Variants in CAV2 observed in about 807,000 individuals in gnomAD.
CAV2 encodes the protein caveolin-2.
In CAV2, 7 loss-of-function variants were observed where a neutral mutation model predicts 15.5. That is an observed-to-expected ratio of 0.45 (90% CI 0.26 to 0.85). CAV2 has a LOEUF of 0.85. Ranked by LOEUF, CAV2 falls within the 40% of genes least tolerant of loss-of-function variation. The pLI, the probability that CAV2 is intolerant of heterozygous loss-of-function variation, is 0.18. For missense variants in CAV2, 229 were observed against 208.8 expected (o/e 1.10, Z -0.60); for synonymous variants, 76 against 83.1 (o/e 0.91, Z 0.46).
Position 116,506,250 on chromosome 7 carries a change from A to G in CAV2, c.*129A>G. 2 of 840,036 alleles carry G rather than the reference A, an allele frequency of 2.4e-6. No homozygotes were observed. The highest frequency in any genetic ancestry group is 3.7e-6 in the Non-Finnish European group (2 of 546,164). The allele number at this position is 840,036 out of a possible 1,614,324, so 52.0% of individuals were successfully genotyped here. A position where few individuals can be genotyped will look rare whatever the true frequency, so the allele number is the denominator to read the frequency against. The stretch of plus-strand genomic sequence containing the variant: ...GAAAACTATTAAGATGAGCAACCAC[A>G]TTTAGAAATGTTTATTGACAGGTCT... On this transcript the variant is annotated 3_prime_UTR_variant, in exon 3 of 3. Coordinates refer to ENST00000222693, the MANE Select transcript of CAV2 (RefSeq NM_001233.5).
In CAV2 at chr7:116,500,301, C is replaced by T. The variant is rs1399698949; in HGVS notation, c.192C>T (p.His64=). 2.5e-6 allele frequency: 4 copies of T among 1,614,242 alleles called. No individual in the cohort carries two copies. The highest frequency in any genetic ancestry group is 3.3e-4 in the Middle Eastern group (2 of 6,062). Residue 64 remains histidine (H), a synonymous_variant, in exon 2 of 3, where the codon CAC becomes CAT. Transcript: ENST00000222693. The stretch of plus-strand genomic sequence containing the variant: ...TGATCGCAGAGCCGGTGACTACGCA[C>T]TCCTTTGACAAAGTGTGGATCTGCA... The part of the protein sequence containing the change: ...EDVIAEPVTT[H]SFDKVWICSH...
At chr7:116,505,626 G>A (rs1358781012) in intron 2 of CAV2, among the ~76,000 whole-genome samples, 1 of 152,068 alleles carries the variant, frequency 6.6e-6, no homozygotes, top group Non-Finnish European at 1.5e-5. Context: ...GAATGTGGAG[G>A]TCCCAGACTC....
At position 116,506,033 on chromosome 7, in the gene CAV2, A is replaced by G. The variant is rs1300623610; in HGVS notation, c.401A>G (p.Lys134Arg). ...CTGCCTTCAGTGCAGACAATATGGA[A>G]GAGTGTGACAGATGTTATCATTGCT... is the stretch of plus-strand genomic sequence containing the variant. ...MVLPSVQTIW[K>R]SVTDVIIAPL... Residue 134 changes from lysine to arginine, a missense_variant, in exon 3 of 3, where the codon AAG becomes AGG. Physicochemically the swap from Lys to Arg is conservative, Grantham distance 26. Coordinates refer to ENST00000222693, the MANE Select transcript of CAV2 (RefSeq NM_001233.5). 1 of 1,613,788 alleles carries G rather than the reference A, an allele frequency of 6.2e-7. No individual in the cohort carries two copies. The highest frequency in any genetic ancestry group is 1.7e-5 in the Admixed American group (1 of 60,022).
At position 116,506,994 on chromosome 7, in the gene CAV2, T is replaced by C. The variant is rs1436353000; in HGVS notation, c.*873T>C. ...AATCTAAAATGTTTTATGACATTTT[T>C]CTGGCTGTGATCTTAAAATAATTCA... On this transcript the variant is annotated 3_prime_UTR_variant, in exon 3 of 3. Coordinates refer to ENST00000222693, the MANE Select transcript of CAV2 (RefSeq NM_001233.5). 6.6e-6 allele frequency: 1 copy of C among 152,534 alleles called. No individual in the cohort carries two copies. Among genetic ancestry groups the C allele is most frequent in the Non-Finnish European group, 1.5e-5 (1 of 68,038 alleles). The allele number at this position is 152,534 out of a possible 1,614,324, so 9.4% of individuals were successfully genotyped here. A position where few individuals can be genotyped will look rare whatever the true frequency, so the allele number is the denominator to read the frequency against.
At chr7:116,501,366 G>C (rs1049463684) in intron 2 of CAV2, 1 of 152,216 alleles carries the variant, frequency 6.6e-6, no homozygotes, top group Non-Finnish European at 1.5e-5. Context: ...CTTCAGGTTA[G>C]TCCTGGTGAA....
In CAV2 at chr7:116,508,154, C is replaced by G. The variant is rs1227474171; in HGVS notation, c.*2033C>G. On this transcript the variant is annotated 3_prime_UTR_variant, in exon 3 of 3. Transcript: ENST00000222693. ...CAGCCTCATGACTTTATAGTTATGTCTTGTATTTAAAAACATTTTTTATAC... is the reference window on the plus strand; with the variant it reads ...CAGCCTCATGACTTTATAGTTATGTGTTGTATTTAAAAACATTTTTTATAC... 1 of 152,110 alleles carries G rather than the reference C, an allele frequency of 6.6e-6. No homozygotes were observed. The highest frequency in any genetic ancestry group is 6.6e-5 in the Admixed American group (1 of 15,266). 9.4% of individuals were successfully genotyped at this position (152,110 alleles called of 1,614,324 possible). A position where few individuals can be genotyped will look rare whatever the true frequency, so the allele number is the denominator to read the frequency against.
In CAV2 at chr7:116,499,852, G is replaced by T; in HGVS notation, c.71G>T (p.Gly24Val). Residue 24 changes from glycine to valine, a missense_variant, in exon 1 of 3, where the codon GGC becomes GTC. Transcript: ENST00000222693. Reference sequence around the variant, plus strand: ...GACGACTCCTACAGCCACCACAGCGGCCTCGAGTACGCCGACCCCGAGAAG... The same window carrying T: ...GACGACTCCTACAGCCACCACAGCGTCCTCGAGTACGCCGACCCCGAGAAG... ...MDDDSYSHHS[G>V]LEYADPEKFA... 2 of 1,607,962 alleles carry T rather than the reference G, an allele frequency of 1.2e-6. No homozygotes were observed. Among genetic ancestry groups the T allele is most frequent in the Non-Finnish European group, 8.5e-7 (1 of 1,178,174 alleles).
chr7:116,501,368 C>T (rs118161063), intron 2 of CAV2: 1 of 152,196 alleles, frequency 6.6e-6, no homozygotes, highest in Non-Finnish European at 1.5e-5. Context: ...TCAGGTTAGT[C>T]CTGGTGAAAG....
At chr7:116,500,608 G>A in intron 2 of CAV2, 161 bp downstream of exon 2, 1 of 631,350 alleles carries the variant, frequency 1.6e-6, no homozygotes, top group South Asian at 2.0e-5. Flanking sequence ...AAGGCAATGC[G>A]CTTCCTTTAG....
intron 2 of CAV2, among the ~76,000 whole-genome samples, chr7:116,504,768 T>G (rs1793191766): frequency 1.3e-5 from 2 of 152,150 alleles, no homozygotes; most frequent in Admixed American, 6.5e-5. Flanking sequence ...AAATTAACCA[T>G]CCTGAGGACT....
At chr7:116,504,001 AAAG>A (rs1444860927) in intron 2 of CAV2, among the ~76,000 whole-genome samples, 1 of 145,662 alleles carries the variant, frequency 6.9e-6, no homozygotes, top group Admixed American at 7.1e-5. Flanking sequence ...AAGAAAGAAA[AAAG>A]AAAAGAAAGG....
intron 2 of CAV2, among the ~76,000 whole-genome samples, chr7:116,504,188 A>C (rs987644464): frequency 6.6e-6 from 1 of 151,008 alleles, no homozygotes; most frequent in Admixed American, 6.6e-5. Flanking sequence ...TCTGCCTTCA[A>C]AATAGGTCTA....
intron 2 of CAV2, chr7:116,501,254 TA>T (rs1255050090): frequency 7.9e-5 from 12 of 152,260 alleles, no homozygotes; most frequent in Admixed American, 7.2e-4. Context: ...GAAAATGTCA[TA>T]TTTTACCAAT....
In CAV2 at chr7:116,506,061, A is replaced by G. The variant is rs1311581907; in HGVS notation, c.429A>G (p.Pro143=). The change falls in exon 3 of 3, where the codon CCA becomes CCG. Residue 143 remains proline, a synonymous_variant. Coordinates refer to ENST00000222693, the MANE Select transcript of CAV2 (RefSeq NM_001233.5). ...GTGTGACAGATGTTATCATTGCTCCATTGTGTACGAGCGTAGGACGATGCT... is the reference window on the plus strand; with the variant it reads ...GTGTGACAGATGTTATCATTGCTCCGTTGTGTACGAGCGTAGGACGATGCT... ...WKSVTDVIIA[P]LCTSVGRCFS... 1 of 1,613,738 alleles carries G rather than the reference A, an allele frequency of 6.2e-7. No individual in the cohort carries two copies. Among genetic ancestry groups the G allele is most frequent in the African/African-American group, 1.3e-5 (1 of 74,986 alleles).
intron 2 of CAV2, among the ~76,000 whole-genome samples, chr7:116,503,754 C>G (rs558636749): frequency 6.6e-6 from 1 of 151,346 alleles, no homozygotes; most frequent in Non-Finnish European, 1.5e-5. Context: ...CACTCGAACC[C>G]GGGAGGCGAA....
intron 2 of CAV2, among the ~76,000 whole-genome samples, chr7:116,503,923 A>AGGGAGGG (rs1563085952): frequency 4.5e-4 from 24 of 53,304 alleles, no homozygotes; most frequent in African/African-American, 1.9e-3. Context: ...GGAAGGAAGG[A>AGGGAGGG]AGGGAGGGAG....
In CAV2 at chr7:116,507,819, T is replaced by G. The variant is rs1206754743; in HGVS notation, c.*1698T>G. 1 of 152,234 alleles carries G rather than the reference T, an allele frequency of 6.6e-6. No individual in the cohort carries two copies. Among genetic ancestry groups the G allele is most frequent in the Non-Finnish European group, 1.5e-5 (1 of 68,040 alleles). 9.4% of individuals were successfully genotyped at this position (152,234 alleles called of 1,614,324 possible). A position where few individuals can be genotyped will look rare whatever the true frequency, so the allele number is the denominator to read the frequency against. On this transcript the variant is annotated 3_prime_UTR_variant, in exon 3 of 3. Transcript: ENST00000222693. ...TGTGTAAATGCTTAAATTTCAGAAT[T>G]ACCATCAGAACCTCAATTGACATTC...
intron 2 of CAV2, 85 bp downstream of exon 2, chr7:116,500,532 A>G: frequency 7.3e-7 from 1 of 1,366,108 alleles, no homozygotes; most frequent in Non-Finnish European, 1.0e-6. Flanking sequence ...CTCTTATCCC[A>G]GGCCGGCGTC....
At chr7:116,505,882 G>T in intron 2 of CAV2, 89 bp from the exon 3 acceptor site, 2 of 763,444 alleles carry the variant, frequency 2.6e-6, no homozygotes, top group African/African-American at 1.8e-5. Context: ...AAGTAAATGG[G>T]TCAGTATTTT....
Sources: gnomAD v4.1 joint callset for allele counts (sites outside exome capture counted in the v4.1 genomes callset) on GRCh38, gnomAD v4.1.1 for gene constraint, MANE v1.5 for transcripts, NCBI Gene and HGNC (gene_info 2026-07-23, HGNC 2026-07-21) for gene names.